Variants in ZDHHC14 observed in about 807,000 individuals in gnomAD.
The protein encoded by ZDHHC14 is palmitoyltransferase ZDHHC14.
ZDHHC14 carries 16 observed loss-of-function variants against 47.7 expected under a neutral mutation model. The observed-to-expected ratio is 0.34, with a 90% CI of 0.23 to 0.51. The LOEUF (loss-of-function observed/expected upper bound fraction) is 0.51, where lower values mean the gene tolerates loss of function less well. ZDHHC14 is among the 20% of genes least tolerant of loss of function. The pLI, the probability that ZDHHC14 is intolerant of heterozygous loss-of-function variation, is 0.97. For synonymous variants in ZDHHC14, 293 were observed against 278.9 expected (o/e 1.05, Z -0.50); for missense variants, 515 against 662.5 (o/e 0.78, Z 2.44).
intron 2 of ZDHHC14, among the ~76,000 whole-genome samples, chr6:157,572,491 T>A (rs901578269): frequency 4.6e-5 from 7 of 152,194 alleles, no homozygotes; most frequent in Non-Finnish European, 8.8e-5. Context: ...CTAACCTTTT[T>A]TTTTATTTTA....
intron 3 of ZDHHC14, among the ~76,000 whole-genome samples, chr6:157,615,368 G>A (rs1268578852): frequency 6.6e-6 from 1 of 152,200 alleles, no homozygotes; most frequent in Non-Finnish European, 1.5e-5. Flanking sequence ...TGCCATTAGA[G>A]CCACCAACCT....
At chr6:157,499,845 G>A (rs139426004) in intron 1 of ZDHHC14, among the ~76,000 whole-genome samples, 4,353 of 152,258 alleles carry the variant, frequency 0.029, 200 homozygotes, top group African/African-American at 0.1. Context: ...GAGACAAATC[G>A]ATTGATTGAT....
At chr6:157,562,222 A>G (rs1782736140) in intron 2 of ZDHHC14, among the ~76,000 whole-genome samples, 1 of 152,138 alleles carries the variant, frequency 6.6e-6, no homozygotes, top group Non-Finnish European at 1.5e-5. Flanking sequence ...GGAAGGGCCT[A>G]TAAGTCAGTC....
rs571555021 is a variant in ZDHHC14, at chr6:157,662,043, C to T, written c.1068+8416C>T. ...CAGGACCCCAAATCAGAACTTTGTG[C>T]ATGGAGTAATGGAAGAGTTATTGTC... is the stretch of plus-strand genomic sequence containing the variant. On this transcript the variant is annotated intron_variant, in intron 8 of 8. Transcript: ENST00000359775. Among the ~76,000 whole-genome samples, 17 of 152,104 alleles carry T rather than the reference C, an allele frequency of 1.1e-4. No homozygotes were observed. The East Asian group carries it at 3.3e-3, about 29-fold the overall frequency.
intron 2 of ZDHHC14, among the ~76,000 whole-genome samples, chr6:157,544,606 T>TGCCA (rs1047175446): frequency 1.3e-5 from 2 of 152,078 alleles, no homozygotes; most frequent in African/African-American, 4.8e-5. Flanking sequence ...GCCAAGATGG[T>TGCCA]GCCACTGCAC....
chr6:157,442,661 C>G (rs1184541230), intron 1 of ZDHHC14, among the ~76,000 whole-genome samples: 3 of 152,166 alleles, frequency 2.0e-5, no homozygotes, highest in Non-Finnish European at 4.4e-5. Context: ...AGAAAGCGTA[C>G]CCTGGAGGGC....
At chr6:157,543,812 G>A (rs182082573) in intron 2 of ZDHHC14, among the ~76,000 whole-genome samples, 31 of 152,338 alleles carry the variant, frequency 2.0e-4, no homozygotes, top group African/African-American at 6.7e-4. Flanking sequence ...GTAGGAAGGA[G>A]GGGGAGGGAG....
At chr6:157,510,554 C>G (rs1373335735) in intron 1 of ZDHHC14, among the ~76,000 whole-genome samples, 1 of 152,226 alleles carries the variant, frequency 6.6e-6, no homozygotes, top group South Asian at 2.1e-4. Context: ...CTGGAACTTT[C>G]TTTTCTCAAC....
chr6:157,655,293 C>T (rs1778034875), intron 8 of ZDHHC14, among the ~76,000 whole-genome samples: 2 of 152,190 alleles, frequency 1.3e-5, no homozygotes, highest in African/African-American at 4.8e-5. Context: ...CCTAAAGCAA[C>T]AGTGGGAAAA....
intron 2 of ZDHHC14, among the ~76,000 whole-genome samples, chr6:157,564,289 C>G (rs757792008): frequency 1.3e-5 from 2 of 152,174 alleles, no homozygotes; most frequent in Non-Finnish European, 1.5e-5. Context: ...CCAATTCCCT[C>G]TGCCGTCTTC....
At chr6:157,580,206 T>A (rs888510403) in intron 2 of ZDHHC14, among the ~76,000 whole-genome samples, 1 of 152,360 alleles carries the variant, frequency 6.6e-6, no homozygotes, top group East Asian at 1.9e-4. Flanking sequence ...CATTTACTGA[T>A]CTATGTATGT....
chr6:157,608,622 G>T (rs930727046), intron 3 of ZDHHC14, among the ~76,000 whole-genome samples: 1 of 152,230 alleles, frequency 6.6e-6, no homozygotes, highest in African/African-American at 2.4e-5. Flanking sequence ...GGCTGACGTG[G>T]AGACTCAGGT....
At chr6:157,495,854 G>A (rs996605939) in intron 1 of ZDHHC14, among the ~76,000 whole-genome samples, 28 of 151,848 alleles carry the variant, frequency 1.8e-4, no homozygotes, top group African/African-American at 3.1e-4. Context: ...ACAGGCATGC[G>A]CCACCACAGC....
At chr6:157,494,922 G>A (rs1323949431) in intron 1 of ZDHHC14, among the ~76,000 whole-genome samples, 1 of 152,074 alleles carries the variant, frequency 6.6e-6, no homozygotes, top group African/African-American at 2.4e-5. Context: ...GTCTCTTCTT[G>A]TCTCAACCCC....
At chr6:157,639,572 G>A (rs1449763477) in intron 5 of ZDHHC14, among the ~76,000 whole-genome samples, 1 of 152,198 alleles carries the variant, frequency 6.6e-6, no homozygotes, top group Non-Finnish European at 1.5e-5. Context: ...AAAGTGCTGG[G>A]ATTACAGGCG....
At chr6:157,655,257 G>A (rs1048561802) in intron 8 of ZDHHC14, among the ~76,000 whole-genome samples, 5 of 152,318 alleles carry the variant, frequency 3.3e-5, no homozygotes, top group Non-Finnish European at 5.9e-5. Context: ...TGTTCAGGGC[G>A]CGTGGTGGTC....
intron 2 of ZDHHC14, among the ~76,000 whole-genome samples, chr6:157,556,598 G>A (rs534322298): frequency 1.3e-5 from 2 of 152,114 alleles, no homozygotes; most frequent in East Asian, 3.9e-4. Context: ...GTCAAACAAG[G>A]TTTGAAAGGA....
At chr6:157,403,572 C>T (rs572578050) in intron 1 of ZDHHC14, among the ~76,000 whole-genome samples, 1 of 152,268 alleles carries the variant, frequency 6.6e-6, no homozygotes, top group Middle Eastern at 3.4e-3. Flanking sequence ...GGTTTAGGGC[C>T]GGCCTGAGAA....
intron 1 of ZDHHC14, among the ~76,000 whole-genome samples, chr6:157,488,505 C>T (rs565396232): frequency 6.6e-6 from 1 of 152,326 alleles, no homozygotes; most frequent in African/African-American, 2.4e-5. Flanking sequence ...TAATCTGAAA[C>T]TCAAGATGTC....
Sources: gnomAD v4.1 joint callset for allele counts (sites outside exome capture counted in the v4.1 genomes callset) on GRCh38, gnomAD v4.1.1 for gene constraint, MANE v1.5 for transcripts, NCBI Gene and HGNC (gene_info 2026-07-23, HGNC 2026-07-21) for gene names.